Variants in RB1 observed in about 807,000 individuals in gnomAD.
RB1 encodes retinoblastoma-associated protein.
In RB1, 18 loss-of-function variants were observed where a neutral mutation model predicts 135.4. The ratio of observed to expected loss-of-function variants is 0.13; its 90% confidence interval spans 0.09 to 0.20. RB1 has a LOEUF of 0.20. Among genes scored for constraint, RB1 ranks in the 10% least tolerant of loss-of-function variants. The pLI, the probability that RB1 is intolerant of heterozygous loss-of-function variation, is 1.00. For synonymous variants in RB1, 365 were observed against 373.2 expected (o/e 0.98, Z 0.25); for missense variants, 868 against 1,110.0 (o/e 0.78, Z 3.10).
intron 17 of RB1, among the ~76,000 whole-genome samples, chr13:48,386,299 G>T (rs73490880): frequency 0.031 from 4,651 of 152,006 alleles, 231 homozygotes; most frequent in African/African-American, 0.1. Flanking sequence ...AAACCTAGGT[G>T]GTATAGCCTG....
At chr13:48,471,573 T>TTAAAA (rs71072103) in intron 23 of RB1, among the ~76,000 whole-genome samples, 7,574 of 133,960 alleles carry the variant, frequency 0.057, 388 homozygotes, top group Non-Finnish European at 0.086. Context: ...AAAATATAAA[T>TTAAAA]AAAAAAAAAA....
Position 48,357,908 on chromosome 13 carries a change from TC to T in RB1, c.608-2106del, listed in dbSNP as rs151305180. On this transcript the variant is annotated intron_variant, in intron 6 of 26. Transcript: ENST00000267163. ...TTAAAGTGGTGGAAGATGTATATGT[TC>T]CCTGCTCAGCTAGAACTTACAGTCA... Among the ~76,000 whole-genome samples the T allele has an allele frequency of 6.4e-3, 977 of 152,282 alleles. 7 individuals are homozygous for T. The highest frequency in any genetic ancestry group is 0.022 in the African/African-American group (922 of 41,564).
At chr13:48,371,612 A>G (rs1406943105) in intron 11 of RB1, among the ~76,000 whole-genome samples, 1 of 152,174 alleles carries the variant, frequency 6.6e-6, no homozygotes, top group African/African-American at 2.4e-5. Flanking sequence ...GAAGATATCT[A>G]GTAAGCAGTA....
chr13:48,378,827 T>A (rs1222779990), intron 13 of RB1, among the ~76,000 whole-genome samples: 1 of 152,194 alleles, frequency 6.6e-6, no homozygotes. Context: ...AGCTCCATTA[T>A]AATCTTATGG....
chr13:48,319,184 G>A lies in RB1; in HGVS notation c.264+11778G>A. The A allele has an allele frequency of 3.2e-6, 2 of 629,426 alleles. No individual in the cohort carries two copies. The highest frequency in any genetic ancestry group is 5.4e-6 in the Non-Finnish European group (2 of 373,784). 39.0% of individuals were successfully genotyped at this position (629,426 alleles called of 1,614,324 possible). A position where few individuals can be genotyped will look rare whatever the true frequency, so the allele number is the denominator to read the frequency against. ...CAGCGTCTAGGCACCCCGGGCAAGGGTCTGTGGCCTTGGTGGCCACTGGCT... is the reference window on the plus strand; with the variant it reads ...CAGCGTCTAGGCACCCCGGGCAAGGATCTGTGGCCTTGGTGGCCACTGGCT... On this transcript the variant is annotated intron_variant, in intron 2 of 26. Coordinates refer to ENST00000267163, the MANE Select transcript of RB1 (RefSeq NM_000321.3). The surrounding 1 kb of genome is among the most constrained non-coding windows in gnomAD (Gnocchi z 5.0).
intron 2 of RB1, among the ~76,000 whole-genome samples, chr13:48,340,372 C>G (rs953733036): frequency 4.6e-5 from 7 of 152,092 alleles, no homozygotes; most frequent in African/African-American, 1.2e-4. Context: ...ATAAAGGTTA[C>G]ATTTTGCTCA....
Position 48,477,422 on chromosome 13 carries a change from C to A in RB1, c.2713+18C>A. On this transcript the variant is annotated intron_variant, in intron 26 of 26. Coordinates refer to ENST00000267163, the MANE Select transcript of RB1 (RefSeq NM_000321.3). ...AGAAATGAGTAAGTACTTTTTTCAC[C>A]TTGTGTAAATGAAATAAACAATTGT... 6.3e-7 allele frequency: 1 copy of A among 1,579,580 alleles called. No homozygotes were observed. Among genetic ancestry groups the A allele is most frequent in the Non-Finnish European group, 8.7e-7 (1 of 1,149,516 alleles).
chr13:48,350,677 A>G (rs1324181087), intron 6 of RB1, among the ~76,000 whole-genome samples: 1 of 152,184 alleles, frequency 6.6e-6, no homozygotes, highest in Non-Finnish European at 1.5e-5. Flanking sequence ...TTCATCACCC[A>G]GGAATTAAGC....
Position 48,342,584 on chromosome 13 carries a change from A to C in RB1, c.265-15A>C. ...TTATTTAATGAAATATTTGATCTTT[A>C]TTTTTTGTTCCCAGGGAGGTTATAT... On this transcript the variant is annotated splice_polypyrimidine_tract_variant and intron_variant, in intron 2 of 26. Transcript: ENST00000267163. The C allele has an allele frequency of 6.9e-7, 1 of 1,443,908 alleles. No individual in the cohort carries two copies. The allele number at this position is 1,443,908 out of a possible 1,614,324, so 89.4% of individuals were successfully genotyped here.
At chr13:48,402,151 T>C (rs1234159119) in intron 17 of RB1, among the ~76,000 whole-genome samples, 2 of 152,188 alleles carry the variant, frequency 1.3e-5, no homozygotes, top group Non-Finnish European at 2.9e-5. Context: ...AATCCAATAC[T>C]GAACTTACTA....
chr13:48,411,527 C>G (rs754798982), intron 17 of RB1: 1 of 1,613,288 alleles, frequency 6.2e-7, no homozygotes, highest in Non-Finnish European at 8.5e-7. Flanking sequence ...TTATTGAATT[C>G]TGAATTGTGT....
chr13:48,317,024 C>T, intron 2 of RB1: 1 of 596,194 alleles, frequency 1.7e-6, no homozygotes, highest in African/African-American at 1.9e-5. Context: ...CCTCCGAGCC[C>T]GAGTTCCTCC....
chr13:48,446,021 G>A (rs765928421), intron 17 of RB1, among the ~76,000 whole-genome samples: 18 of 152,118 alleles, frequency 1.2e-4, no homozygotes, highest in Non-Finnish European at 2.2e-4. Context: ...ACAGTGGCAC[G>A]ATCTCAGCTC....
At chr13:48,477,656 A>C (rs1184217741) in intron 26 of RB1, among the ~76,000 whole-genome samples, 1 of 152,198 alleles carries the variant, frequency 6.6e-6, no homozygotes, top group Admixed American at 6.5e-5. Context: ...TTGCTTGACC[A>C]CATTCAACAC....
chr13:48,378,720 C>G (rs935022116), intron 13 of RB1, among the ~76,000 whole-genome samples: 2 of 151,802 alleles, frequency 1.3e-5, no homozygotes, highest in Non-Finnish European at 2.9e-5. Flanking sequence ...TTTTATATGA[C>G]TGGCAGTGCA....
At chr13:48,322,080 T>G (rs1171519785) in intron 2 of RB1, among the ~76,000 whole-genome samples, 1 of 152,172 alleles carries the variant, frequency 6.6e-6, no homozygotes, top group Non-Finnish European at 1.5e-5. Flanking sequence ...ATTTACTTAG[T>G]TTTGTTTTTG....
At chr13:48,431,396 A>G (rs1234479530) in intron 17 of RB1, among the ~76,000 whole-genome samples, 3 of 152,200 alleles carry the variant, frequency 2.0e-5, no homozygotes, top group Non-Finnish European at 2.9e-5. Context: ...CCAAAAACAT[A>G]TTTTGACTTT....
At chr13:48,446,376 C>T (rs918795660) in intron 17 of RB1, among the ~76,000 whole-genome samples, 11 of 152,098 alleles carry the variant, frequency 7.2e-5, no homozygotes, top group Non-Finnish European at 1.2e-4. Flanking sequence ...TTTATTGAGC[C>T]CTTACTGTGT....
intron 17 of RB1, among the ~76,000 whole-genome samples, chr13:48,432,624 G>A (rs1296274620): frequency 1.3e-5 from 2 of 152,058 alleles, no homozygotes; most frequent in African/African-American, 2.4e-5. Context: ...TTTACCTCAA[G>A]AGACTGAACT....
Sources: gnomAD v4.1 joint callset for allele counts (sites outside exome capture counted in the v4.1 genomes callset) on GRCh38, gnomAD v4.1.1 for gene constraint, Gnocchi (gnomAD v3.1) non-coding constraint, MANE v1.5 for transcripts, NCBI Gene and HGNC (gene_info 2026-07-23, HGNC 2026-07-21) for gene names.